The following ZNF331 variants were observed in gnomAD, a reference collection of about 807,000 sequenced individuals.
The protein encoded by ZNF331 is C2H2-like zinc finger protein rearranged in thyroid adenomas.
Under a neutral mutation model 7.0 loss-of-function variants are expected in ZNF331, and 2 were observed. The ratio of observed to expected loss-of-function variants is 0.29; its 90% CI spans 0.12 to 0.90. The LOEUF (loss-of-function observed/expected upper bound fraction) is 0.90, where lower values mean the gene tolerates loss of function less well. Among genes scored for constraint, ZNF331 ranks in the 40% least tolerant of loss-of-function variants. ZNF331 has a pLI of 0.58. For missense variants in ZNF331, 432 were observed against 587.7 expected (o/e 0.74, Z 2.74); for synonymous variants, 196 against 205.4 (o/e 0.95, Z 0.39).
chr19:53,528,563 G>A (rs762005661), intron 2 of ZNF331, among the ~76,000 whole-genome samples: 1 of 152,178 alleles, frequency 6.6e-6, no homozygotes, highest in African/African-American at 2.4e-5. Flanking sequence ...AACTGTCAGA[G>A]TTCAGAATCA....
upstream of ZNF331, among the ~76,000 whole-genome samples, chr19:53,535,280 G>T (rs1166155838): frequency 6.6e-6 from 1 of 152,054 alleles, no homozygotes; most frequent in Non-Finnish European, 1.5e-5. Flanking sequence ...TAGTAGAGAT[G>T]GGGTTTCGCC....
chr19:53,563,056 A>G (rs568762814), intron 3 of ZNF331, among the ~76,000 whole-genome samples: 1 of 152,082 alleles, frequency 6.6e-6, no homozygotes, highest in African/African-American at 2.4e-5. Flanking sequence ...TCTTCTCGAA[A>G]TAGGTTCTGT....
At chr19:53,574,935 TTC>T (rs1386337646) in intron 5 of ZNF331, among the ~76,000 whole-genome samples, 5 of 130,372 alleles carry the variant, frequency 3.8e-5, no homozygotes, top group Non-Finnish European at 4.7e-5. Flanking sequence ...TTTTTTTCTT[TTC>T]TTTTTTTTTT....
Position 53,558,863 on chromosome 19 carries a change from A to G in ZNF331, c.-74+2955A>G, listed in dbSNP as rs942804801. 4.0e-5 allele frequency among the ~76,000 whole-genome samples: 6 copies of G among 150,140 alleles called. No homozygotes were observed. The highest frequency in any genetic ancestry group is 2.0e-4 in the Admixed American group (3 of 15,072). On this transcript the variant is annotated intron_variant, in intron 3 of 5. Coordinates refer to ENST00000449416, the MANE Select transcript of ZNF331 (RefSeq NM_001079906.2). This position sits in a 1 kb window ranked among gnomAD's most constrained non-coding sequence, Gnocchi z 4.5. Reference sequence around the variant, plus strand: ...ATATATACACACCATACACACATATACACACACATACCCCATATATACACA... The same window carrying G: ...ATATATACACACCATACACACATATGCACACACATACCCCATATATACACA...
intron 2 of ZNF331, among the ~76,000 whole-genome samples, chr19:53,531,378 T>TG (rs2147267226): frequency 6.6e-6 from 1 of 152,342 alleles, no homozygotes. Flanking sequence ...CTCTTCTGAA[T>TG]GTTATTCATG....
At chr19:53,513,932 TTATTAC>T in the ZNF331 span, among the ~76,000 whole-genome samples, 1 of 152,002 alleles carries the variant, frequency 6.6e-6, no homozygotes, top group Non-Finnish European at 1.5e-5. Context: ...TTTAATAGGG[TTATTAC>T]TATTATCATA....
At chr19:53,529,286 G>C (rs1027490958) in intron 2 of ZNF331, among the ~76,000 whole-genome samples, 5 of 151,984 alleles carry the variant, frequency 3.3e-5, no homozygotes, top group African/African-American at 1.2e-4. Flanking sequence ...TGTAGTCGCA[G>C]CTACTCAGGA....
intron 2 of ZNF331, among the ~76,000 whole-genome samples, chr19:53,553,578 T>G (rs1281974966): frequency 2.0e-5 from 3 of 151,696 alleles, no homozygotes; most frequent in Non-Finnish European, 4.4e-5. Flanking sequence ...TTCTAAAAAG[T>G]GGGATTTTGA....
At chr19:53,509,679 G>C in the ZNF331 span, among the ~76,000 whole-genome samples, 1 of 152,204 alleles carries the variant, frequency 6.6e-6, no homozygotes, top group Non-Finnish European at 1.5e-5. Context: ...TCACAGCTAA[G>C]CCTCTGTGGT....
rs918162573 is a variant in ZNF331, at chr19:53,539,777, C to G, written c.-138+495C>G. Among the ~76,000 whole-genome samples the G allele has an allele frequency of 6.6e-6, 1 of 152,092 alleles. No homozygotes were observed. Among genetic ancestry groups the G allele is most frequent in the Non-Finnish European group, 1.5e-5 (1 of 68,022 alleles). ...ATGGCATTAAGAAGGATGGACATGC[C>G]CCAAAGACATTTAGACCCATTGGTC... On this transcript the variant is annotated intron_variant, in intron 2 of 5. Coordinates refer to ENST00000449416, the MANE Select transcript of ZNF331 (RefSeq NM_001079906.2). This position sits in a 1 kb window ranked among gnomAD's most constrained non-coding sequence, Gnocchi z 6.1.
At chr19:53,532,148 A>G (rs1422722869) in intron 2 of ZNF331, among the ~76,000 whole-genome samples, 1 of 152,206 alleles carries the variant, frequency 6.6e-6, no homozygotes, top group East Asian at 1.9e-4. Flanking sequence ...GCAATTTTCA[A>G]ATATACATTG....
At chr19:53,553,817 C>A (rs1261094841) in intron 2 of ZNF331, among the ~76,000 whole-genome samples, 1 of 152,216 alleles carries the variant, frequency 6.6e-6, no homozygotes, top group East Asian at 1.9e-4. Flanking sequence ...CTTCTGATGA[C>A]AGCCATGGCT....
Position 53,571,124 on chromosome 19 carries a change from G to A in ZNF331, c.10-480G>A, listed in dbSNP as rs1052176220. Among the ~76,000 whole-genome samples, 2 of 152,028 alleles carry A rather than the reference G, an allele frequency of 1.3e-5. No homozygotes were observed. Among genetic ancestry groups the A allele is most frequent in the Non-Finnish European group, 2.9e-5 (2 of 67,990 alleles). On this transcript the variant is annotated intron_variant, in intron 4 of 5. Coordinates refer to ENST00000449416, the MANE Select transcript of ZNF331 (RefSeq NM_001079906.2). The surrounding 1 kb of genome is among the most constrained non-coding windows in gnomAD (Gnocchi z 4.7). ...TCCGCCTGCCTTGTTCTCGTGATCC[G>A]CCTGCCTTGGCCTCCCAAAGTGTTG... is the stretch of plus-strand genomic sequence containing the variant.
chr19:53,519,249 A>G (rs989848311), upstream of ZNF331, among the ~76,000 whole-genome samples: 2 of 152,092 alleles, frequency 1.3e-5, no homozygotes, highest in Admixed American at 6.5e-5. Context: ...ACACCCACCA[A>G]TGATTCTCTC....
chr19:53,549,481 A>G (rs1281205167), intron 2 of ZNF331, among the ~76,000 whole-genome samples: 1 of 152,126 alleles, frequency 6.6e-6, no homozygotes, highest in African/African-American at 2.4e-5. Flanking sequence ...TGTGGAAATC[A>G]CTGCTTAAAG....
intron 3 of ZNF331, among the ~76,000 whole-genome samples, chr19:53,559,324 A>G (rs899867836): frequency 6.6e-6 from 1 of 150,784 alleles, no homozygotes; most frequent in Non-Finnish European, 1.5e-5. Flanking sequence ...GTACACACCT[A>G]CATATAGAGA....
At chr19:53,504,124 C>T in the ZNF331 span, 1 of 355,322 alleles carries the variant, frequency 2.8e-6, no homozygotes, top group Admixed American at 4.0e-5. Flanking sequence ...CTTTTACACT[C>T]TCTCTTCACC....
rs2050313818 is a variant in ZNF331, at chr19:53,569,461, C to T, written c.9+76C>T. 11 of 1,527,710 alleles carry T rather than the reference C, an allele frequency of 7.2e-6. No homozygotes were observed. In the South Asian group the frequency reaches 9.1e-5, roughly 13 times the overall value. The allele number at this position is 1,527,710 out of a possible 1,614,324, so 94.6% of individuals were successfully genotyped here. On this transcript the variant is annotated intron_variant, in intron 4 of 5. Transcript: ENST00000449416. Reference sequence around the variant, plus strand: ...GCATCTGCTTGTGAATTATCTGAAGCCTTTTATCTAGTCAAGCTCTTTATA... The same window carrying T: ...GCATCTGCTTGTGAATTATCTGAAGTCTTTTATCTAGTCAAGCTCTTTATA...
At chr19:53,536,807 G>A (rs1417113954), upstream of ZNF331, among the ~76,000 whole-genome samples, 3 of 152,194 alleles carry the variant, frequency 2.0e-5, no homozygotes, top group Non-Finnish European at 2.9e-5. Context: ...GGAGGCTGAC[G>A]CAGGAGAACC....
Sources: gnomAD v4.1 joint callset for allele counts (sites outside exome capture counted in the v4.1 genomes callset) on GRCh38, gnomAD v4.1.1 for gene constraint, Gnocchi (gnomAD v3.1) non-coding constraint, MANE v1.5 for transcripts, NCBI Gene and HGNC (gene_info 2026-07-23, HGNC 2026-07-21) for gene names.